Variants in PAWR observed in about 807,000 individuals in gnomAD.
PAWR encodes PRKC apoptosis WT1 regulator protein.
Under a neutral mutation model 32.0 loss-of-function variants are expected in PAWR, and 23 were observed. The observed-to-expected ratio is 0.72, with a 90% confidence interval of 0.52 to 1.02. PAWR has a LOEUF of 1.02. Ranked by LOEUF, PAWR falls within the 50% of genes least tolerant of loss-of-function variation. The probability of loss-of-function intolerance (pLI) is 0.00; values close to 1 mark genes in which losing one functional copy is unlikely to be tolerated. For missense variants in PAWR, 457 were observed against 437.7 expected, an observed-to-expected ratio of 1.04 and a Z score of -0.39; for synonymous variants, 226 against 187.1, an observed-to-expected ratio of 1.21 and a Z score of -1.70.
chr12:79,669,190 T>C (rs2136845705), intron 2 of PAWR, among the ~76,000 whole-genome samples: 1 of 152,326 alleles, frequency 6.6e-6, no homozygotes, highest in East Asian at 1.9e-4. Flanking sequence ...GTGCAGATTA[T>C]GTAAAGATTA....
At chr12:79,658,857 C>T (rs1052408581) in intron 2 of PAWR, among the ~76,000 whole-genome samples, 1 of 151,744 alleles carries the variant, frequency 6.6e-6, no homozygotes, top group African/African-American at 2.4e-5. Flanking sequence ...GATGGGATTT[C>T]ACCACATTGG....
intron 2 of PAWR, among the ~76,000 whole-genome samples, chr12:79,650,681 C>T (rs1168539157): frequency 6.9e-6 from 1 of 144,904 alleles, no homozygotes; most frequent in African/African-American, 2.5e-5. Context: ...GTAAAACTTT[C>T]CTTACTCAAG....
Position 79,613,615 on chromosome 12 carries a change from A to C in PAWR, c.649-6T>G. The C allele has an allele frequency of 6.6e-7, 1 of 1,512,392 alleles. No individual in the cohort carries two copies. Among genetic ancestry groups the C allele is most frequent in the Non-Finnish European group, 9.1e-7 (1 of 1,094,528 alleles). The allele number at this position is 1,512,392 out of a possible 1,614,324, so 93.7% of individuals were successfully genotyped here. A position where few individuals can be genotyped will look rare whatever the true frequency, so the allele number is the denominator to read the frequency against. ...GAAACTGTTCTAGGTGGCTCCTGCA[A>C]AGTAAAAATAATTATGTATCAGTTT... On this transcript the variant is annotated splice_polypyrimidine_tract_variant and splice_region_variant and intron_variant, in intron 3 of 6. Coordinates refer to ENST00000328827, the MANE Select transcript of PAWR (RefSeq NM_002583.4).
rs145415768 is a variant in PAWR, at chr12:79,612,477, A to C, written c.683+1098T>G. Among the ~76,000 whole-genome samples, 60 of 152,308 alleles carry C rather than the reference A, an allele frequency of 3.9e-4. 1 individual carries two copies. In the East Asian group the frequency reaches 0.011, roughly 28 times the overall value. On this transcript the variant is annotated intron_variant, in intron 4 of 6. Coordinates refer to ENST00000328827, the MANE Select transcript of PAWR (RefSeq NM_002583.4). ...GTAAGTGTTTTACATGTATAAATCT[A>C]GGCAGATGGTCTTACATAGTTAATA...
chr12:79,678,868 AT>A lies in PAWR; in HGVS notation c.516+10860del, dbSNP rs11383561. ...CTTAATTAATGGCTCCCTTTAGGGT[AT>A]TTTTTTTTTTTTTTTGGCGGGGGTG... On this transcript the variant is annotated intron_variant, in intron 2 of 6. Coordinates refer to ENST00000328827, the MANE Select transcript of PAWR (RefSeq NM_002583.4). 2.3e-3 allele frequency among the ~76,000 whole-genome samples: 295 copies of A among 127,794 alleles called. 2 individuals carry two copies. Among genetic ancestry groups the A allele is most frequent in the African/African-American group, 8.0e-3 (269 of 33,614 alleles). 83.8% of individuals were successfully genotyped at this position (127,794 alleles called of 152,430 possible).
chr12:79,638,791 GT>G (rs60773931), intron 2 of PAWR, among the ~76,000 whole-genome samples: 7,292 of 22,980 alleles, frequency 0.32, 728 homozygotes, highest in African/African-American at 0.46. Context: ...TATATTTGGG[GT>G]GTGTGTGTGT....
intron 2 of PAWR, among the ~76,000 whole-genome samples, chr12:79,686,444 T>C (rs1325408554): frequency 6.6e-6 from 1 of 152,202 alleles, no homozygotes; most frequent in African/African-American, 2.4e-5. Context: ...AGTCCAACAG[T>C]TGTTATCACT....
At chr12:79,676,671 A>G (rs995091540) in intron 2 of PAWR, among the ~76,000 whole-genome samples, 16 of 152,224 alleles carry the variant, frequency 1.1e-4, no homozygotes, top group African/African-American at 3.9e-4. Flanking sequence ...GATACATCAA[A>G]CCAAAAACCT....
chr12:79,615,954 G>A (rs1874710947), intron 3 of PAWR, among the ~76,000 whole-genome samples: 1 of 151,670 alleles, frequency 6.6e-6, no homozygotes, highest in Admixed American at 6.6e-5. Context: ...CTACTCGGGA[G>A]GCTGAAGTGG....
intron 2 of PAWR, among the ~76,000 whole-genome samples, chr12:79,637,437 G>A (rs1876013536): frequency 6.6e-6 from 1 of 150,516 alleles, no homozygotes; most frequent in Non-Finnish European, 1.5e-5. Context: ...ATACCATTCT[G>A]TCATCACTCG....
intron 2 of PAWR, among the ~76,000 whole-genome samples, chr12:79,674,904 A>G (rs1370336315): frequency 6.6e-6 from 1 of 152,214 alleles, no homozygotes; most frequent in African/African-American, 2.4e-5. Flanking sequence ...AAAGCCAAAA[A>G]TCCACAGATG....
At position 79,690,150 on chromosome 12, in the gene PAWR, G is replaced by C; in HGVS notation, c.95C>G (p.Ala32Gly). ...EWKAKREKMR[A>G]KQNPPGPAPP... ...GGCCGGGCCCGGGGGGTTCTGCTTG[G>C]CGCGCATCTTCTCGCGTTTCGCCTT... The change falls in exon 2 of 7, where the codon GCC becomes GGC. Residue 32 changes from alanine to glycine, a missense_variant. Ala to Gly is a moderately conservative substitution (Grantham distance 60). Coordinates refer to ENST00000328827, the MANE Select transcript of PAWR (RefSeq NM_002583.4). 1.3e-6 allele frequency: 2 copies of C among 1,525,912 alleles called. No homozygotes were observed. 94.5% of individuals were successfully genotyped at this position (1,525,912 alleles called of 1,614,324 possible).
At chr12:79,649,788 CAAAT>C (rs894634321) in intron 2 of PAWR, among the ~76,000 whole-genome samples, 2 of 152,100 alleles carry the variant, frequency 1.3e-5, no homozygotes, top group South Asian at 2.1e-4. Context: ...GACCTAGTAT[CAAAT>C]AAATAAATAA....
intron 4 of PAWR, among the ~76,000 whole-genome samples, chr12:79,601,065 C>T (rs905234052): frequency 1.3e-5 from 2 of 151,812 alleles, no homozygotes; most frequent in Non-Finnish European, 2.9e-5. Context: ...AAGGTTGAAA[C>T]GTAAAAAGAA....
chr12:79,649,968 A>G (rs1876762132), intron 2 of PAWR, among the ~76,000 whole-genome samples: 1 of 152,216 alleles, frequency 6.6e-6, no homozygotes, highest in South Asian at 2.1e-4. Context: ...AGAGCATGCA[A>G]CCTAGATCCC....
Position 79,642,121 on chromosome 12 carries a change from T to G in PAWR, c.517-20914A>C, listed in dbSNP as rs370182690. On this transcript the variant is annotated intron_variant, in intron 2 of 6. Coordinates refer to ENST00000328827, the MANE Select transcript of PAWR (RefSeq NM_002583.4). ...AATATACTAGTATATAAAAAGGGAA[T>G]AAAAGTATAAATAAATCAATGATTA... 9.9e-4 allele frequency among the ~76,000 whole-genome samples: 150 copies of G among 152,248 alleles called. 1 individual carries two copies. In the South Asian group the frequency reaches 0.016, roughly 16 times the overall value.
chr12:79,611,834 C>G (rs1874453899), intron 4 of PAWR, among the ~76,000 whole-genome samples: 1 of 152,080 alleles, frequency 6.6e-6, no homozygotes, highest in Non-Finnish European at 1.5e-5. Flanking sequence ...CAAAAATTCA[C>G]AGAGAATAAA....
intron 2 of PAWR, among the ~76,000 whole-genome samples, chr12:79,680,867 A>C (rs929954902): frequency 2.6e-5 from 4 of 151,920 alleles, no homozygotes; most frequent in African/African-American, 9.7e-5. Flanking sequence ...CTGTAATCCC[A>C]ACAACACTTT....
chr12:79,657,090 C>T (rs546172118), intron 2 of PAWR, among the ~76,000 whole-genome samples: 12 of 152,226 alleles, frequency 7.9e-5, no homozygotes, highest in Admixed American at 3.3e-4. Context: ...AAGGAATAAA[C>T]CTAAACAAAG....
Sources: gnomAD v4.1 joint callset for allele counts (sites outside exome capture counted in the v4.1 genomes callset) on GRCh38, gnomAD v4.1.1 for gene constraint, MANE v1.5 for transcripts, NCBI Gene and HGNC (gene_info 2026-07-23, HGNC 2026-07-21) for gene names.